CHRFAM7A: variants seen among roughly 807,000 people sequenced by gnomAD.
CHRFAM7A encodes CHRNA7-FAM7A fusion protein.
In CHRFAM7A, 3 loss-of-function variants were observed where a neutral mutation model predicts 29.2. That is an observed-to-expected ratio of 0.10 (90% CI 0.05 to 0.27). The LOEUF (loss-of-function observed/expected upper bound fraction) is 0.27. Ranked by LOEUF, CHRFAM7A falls within the 10% of genes least tolerant of loss-of-function variation. CHRFAM7A has a pLI of 1.00. For missense variants in CHRFAM7A, 22 were observed against 328.0 expected, an observed-to-expected ratio of 0.07 and a Z score of 7.21; for synonymous variants, 7 against 135.4, an observed-to-expected ratio of 0.05 and a Z score of 6.58.
intron 5 of CHRFAM7A, among the ~76,000 whole-genome samples, chr15:30,376,248 G>A (rs1385151483): frequency 7.0e-6 from 1 of 142,486 alleles, no homozygotes; most frequent in East Asian, 2.1e-4. Flanking sequence ...GTGGTAGTTA[G>A]GTGTGGAGGT....
intron 7 of CHRFAM7A, among the ~76,000 whole-genome samples, chr15:30,371,549 G>A (rs1400886760): frequency 8.0e-5 from 12 of 149,878 alleles, no homozygotes; most frequent in African/African-American, 3.0e-4. Context: ...CCTGATTTCA[G>A]GTCTTACGTT....
intron 8 of CHRFAM7A, among the ~76,000 whole-genome samples, 162 bp from the exon 9 acceptor site, chr15:30,367,689 G>C (rs1313421453): frequency 7.0e-6 from 1 of 143,532 alleles, no homozygotes; most frequent in African/African-American, 2.6e-5. Context: ...GGCAAAACCA[G>C]CCAGTGTGGT....
rs369896200 is a variant in CHRFAM7A at position 30,367,378 on chromosome 15, C to T, written c.720+40G>A. On this transcript the variant is annotated intron_variant, in intron 9 of 9. Transcript: ENST00000299847. ...TAAACCCTAGGAGGAGCCTCCTTTA[C>T]AGCGGGGCTCCGACTCCATCGGGGG... is the stretch of plus-strand genomic sequence containing the variant. The T allele has an allele frequency of 3.1e-5, 49 of 1,593,124 alleles. 1 individual carries two copies. In the African/African-American group the frequency reaches 4.5e-4, roughly 15 times the overall value.
chr15:30,375,769 T>G (rs1211542237), intron 5 of CHRFAM7A, among the ~76,000 whole-genome samples: 1 of 146,878 alleles, frequency 6.8e-6, no homozygotes, highest in Non-Finnish European at 1.5e-5. Flanking sequence ...TTTGTGTGAG[T>G]GGTGTGTGAG....
intron 8 of CHRFAM7A, 104 bp downstream of exon 8, chr15:30,370,994 G>A: frequency 4.0e-6 from 6 of 1,514,880 alleles, no homozygotes; most frequent in Middle Eastern, 1.7e-4. Flanking sequence ...AGAAAATGGG[G>A]GCAGTGCAGC....
intron 7 of CHRFAM7A, among the ~76,000 whole-genome samples, chr15:30,371,474 C>A (rs1206934898): frequency 1.4e-5 from 2 of 147,914 alleles, no homozygotes; most frequent in African/African-American, 5.1e-5. Context: ...CTTTCATATT[C>A]TCTGTAAAAT....
Position 30,382,295 on chromosome 15 carries a change from T to TA in CHRFAM7A, c.33+1023dup, listed in dbSNP as rs1052470392. Among the ~76,000 whole-genome samples the TA allele has an allele frequency of 3.9e-5, 4 of 102,652 alleles. 1 individual carries two copies. The South Asian group carries it at 1.1e-3, about 27-fold the overall frequency. The allele number at this position is 102,652 out of a possible 152,430, so 67.3% of individuals were successfully genotyped here. On this transcript the variant is annotated intron_variant, in intron 3 of 9. Coordinates refer to ENST00000299847, the MANE Select transcript of CHRFAM7A (RefSeq NM_139320.2). ...TTAAAAAGTTCCAATGAAATTACTG[T>TA]AAAAAAATAACGAGGATAACATGAT...
intron 5 of CHRFAM7A, among the ~76,000 whole-genome samples, chr15:30,376,031 GGT>G (rs1168249015): frequency 6.6e-5 from 10 of 152,022 alleles, no homozygotes; most frequent in Admixed American, 1.3e-4. Context: ...GATTGTGAGT[GGT>G]GTGTGTGTTG....
At chr15:30,375,860 TTGTG>T (rs1268004967) in intron 5 of CHRFAM7A, among the ~76,000 whole-genome samples, 14 of 93,784 alleles carry the variant, frequency 1.5e-4, no homozygotes, top group African/African-American at 4.5e-4. Flanking sequence ...ATGTGAGTGG[TTGTG>T]TGAGTGGTGT....
rs1212056739 is a variant in CHRFAM7A, at chr15:30,367,281, G to A, written c.720+137C>T. On this transcript the variant is annotated intron_variant, in intron 9 of 9. Transcript: ENST00000299847. ...AGCCTGGGTGACATAGTGAGACTCC[G>A]TCTCAAAAAAACAAACAAAAAACCC... is the stretch of plus-strand genomic sequence containing the variant. The A allele has an allele frequency of 9.4e-5, 95 of 1,012,378 alleles. 2 individuals carry two copies. The highest frequency in any genetic ancestry group is 1.4e-4 in the South Asian group (9 of 62,644). The allele number at this position is 1,012,378 out of a possible 1,614,324, so 62.7% of individuals were successfully genotyped here. A position where few individuals can be genotyped will look rare whatever the true frequency, so the allele number is the denominator to read the frequency against.
Position 30,374,533 on chromosome 15 carries a change from C to T in CHRFAM7A, c.161-1388G>A, listed in dbSNP as rs145786150. On this transcript the variant is annotated intron_variant, in intron 5 of 9. Transcript: ENST00000299847. ...TTGTAACTTCATGAGCCCATTTCTA[C>T]GAAATAATGGCCCGAGACAGAGAAT... 7.2e-4 allele frequency among the ~76,000 whole-genome samples: 105 copies of T among 145,668 alleles called. 2 individuals are homozygous for T. Among genetic ancestry groups the T allele is most frequent in the South Asian group, 4.7e-3 (21 of 4,516 alleles).
chr15:30,374,515 T>C lies in CHRFAM7A; in HGVS notation c.161-1370A>G, dbSNP rs537045613. Among the ~76,000 whole-genome samples, 4 of 144,212 alleles carry C rather than the reference T, an allele frequency of 2.8e-5. 1 individual carries two copies. The South Asian group carries it at 9.0e-4, about 33-fold the overall frequency. 94.6% of individuals were successfully genotyped at this position (144,212 alleles called of 152,430 possible). ...CCAGTTAGTTGGAAAGCTTTGTAAC[T>C]TCATGAGCCCATTTCTACGAAATAA... On this transcript the variant is annotated intron_variant, in intron 5 of 9. Transcript: ENST00000299847.
chr15:30,374,997 C>CCT (rs2058908348), intron 5 of CHRFAM7A, among the ~76,000 whole-genome samples: 1 of 147,088 alleles, frequency 6.8e-6, no homozygotes, highest in Admixed American at 6.8e-5. Context: ...ACAACGTGTC[C>CCT]TGTCCTGACC....
chr15:30,371,526 T>C (rs1448690993), intron 7 of CHRFAM7A, among the ~76,000 whole-genome samples: 1 of 149,668 alleles, frequency 6.7e-6, no homozygotes, highest in Non-Finnish European at 1.5e-5. Context: ...AAAGAAAATA[T>C]GCAGTCAGGA....
intron 9 of CHRFAM7A, among the ~76,000 whole-genome samples, chr15:30,363,339 C>T (rs1268715811): frequency 6.8e-6 from 1 of 148,022 alleles, no homozygotes; most frequent in Non-Finnish European, 1.5e-5. Flanking sequence ...CATCAGATTA[C>T]CACATCTCTT....
At chr15:30,373,974 AGTT>A in intron 5 of CHRFAM7A, among the ~76,000 whole-genome samples, 1 of 139,554 alleles carries the variant, frequency 7.2e-6, no homozygotes, top group Non-Finnish European at 1.6e-5. Context: ...TAAGAAAAAA[AGTT>A]AAAACAAACA....
rs542646429 is a variant in CHRFAM7A, at chr15:30,374,547, G to A, written c.161-1402C>T. 7.5e-5 allele frequency among the ~76,000 whole-genome samples: 11 copies of A among 146,258 alleles called. 2 individuals carry two copies. The highest frequency in any genetic ancestry group is 2.1e-4 in the African/African-American group (8 of 38,964). On this transcript the variant is annotated intron_variant, in intron 5 of 9. Coordinates refer to ENST00000299847, the MANE Select transcript of CHRFAM7A (RefSeq NM_139320.2). ...GCCCATTTCTACGAAATAATGGCCC[G>A]AGACAGAGAATTTCTAGAGACAGAA...
chr15:30,361,764 G>T lies in CHRFAM7A; in HGVS notation c.*529C>A, dbSNP rs2058744562. 1.0e-5 allele frequency: 1 copy of T among 99,362 alleles called. No homozygotes were observed. The highest frequency in any genetic ancestry group is 9.6e-5 in the Admixed American group (1 of 10,364). 6.2% of individuals were successfully genotyped at this position (99,362 alleles called of 1,614,324 possible). ...CTGTTTCTCTCTACCGTCTTTGATA[G>T]AAATAAAAATAAAAATAAAAAGTTG... On this transcript the variant is annotated 3_prime_UTR_variant, in exon 10 of 10. Transcript: ENST00000299847.
At chr15:30,375,679 TC>T (rs1221974779) in intron 5 of CHRFAM7A, among the ~76,000 whole-genome samples, 8 of 135,326 alleles carry the variant, frequency 5.9e-5, no homozygotes, top group South Asian at 2.5e-4. Flanking sequence ...TGTGTGTGTG[TC>T]TGGTGTGTGT....
Sources: gnomAD v4.1 joint callset for allele counts (sites outside exome capture counted in the v4.1 genomes callset) on GRCh38, gnomAD v4.1.1 for gene constraint, MANE v1.5 for transcripts, NCBI Gene and HGNC (gene_info 2026-07-23, HGNC 2026-07-21) for gene names.